SPATA6: variants seen among roughly 807,000 people sequenced by gnomAD.
SPATA6 encodes the protein spermatogenesis associated 6, also known as spermatogenesis-associated protein 6.
A neutral mutation model predicts 65.3 loss-of-function variants in SPATA6; 56 were observed. The ratio of observed to expected loss-of-function variants is 0.86; its 90% CI spans 0.69 to 1.07. The LOEUF (loss-of-function observed/expected upper bound fraction) is 1.07, where lower values mean the gene tolerates loss of function less well. Among genes scored for constraint, SPATA6 ranks in the 50% least tolerant of loss-of-function variants. The pLI is 0.00. For missense variants in SPATA6, 590 were observed against 594.8 expected (o/e 0.99, Z 0.08); for synonymous variants, 199 against 213.2 (o/e 0.93, Z 0.58).
rs189495349 is a variant in SPATA6, at chr1:48,440,159, C to A, written c.238+11393G>T. Among the ~76,000 whole-genome samples, 149 of 152,176 alleles carry A rather than the reference C, an allele frequency of 9.8e-4. 1 individual carries two copies. Among genetic ancestry groups the A allele is most frequent in the African/African-American group, 3.5e-3 (144 of 41,526 alleles). On this transcript the variant is annotated intron_variant, in intron 3 of 12. Coordinates refer to ENST00000371847, the MANE Select transcript of SPATA6 (RefSeq NM_019073.4). The stretch of plus-strand genomic sequence containing the variant: ...AAGCAAAGACATCTCCAAGGGACCA[C>A]AAAAACCCTCTGGCTATCGGTTATG...
intron 11 of SPATA6, among the ~76,000 whole-genome samples, chr1:48,340,234 C>T: frequency 1.2e-5 from 1 of 85,554 alleles, no homozygotes; most frequent in Admixed American, 1.5e-4. Context: ...CCACAGTAGG[C>T]CTGCACTAAA....
chr1:48,447,016 G>A (rs1301480939), intron 3 of SPATA6, among the ~76,000 whole-genome samples: 1 of 151,962 alleles, frequency 6.6e-6, no homozygotes, highest in Non-Finnish European at 1.5e-5. Context: ...TGATGATGAA[G>A]ACTTTTATGA....
chr1:48,332,849 A>G (rs1456489692), intron 11 of SPATA6, among the ~76,000 whole-genome samples: 1 of 152,198 alleles, frequency 6.6e-6, no homozygotes, highest in Non-Finnish European at 1.5e-5. Context: ...CAACAAATTC[A>G]AAAACAGCAA....
chr1:48,289,011 A>ATG, the SPATA6 span, among the ~76,000 whole-genome samples: 1 of 152,216 alleles, frequency 6.6e-6, no homozygotes, highest in African/African-American at 2.4e-5. Context: ...TTCTCCCAGC[A>ATG]CAGAGTTTGA....
intron 9 of SPATA6, among the ~76,000 whole-genome samples, chr1:48,363,160 T>C (rs1016585042): frequency 6.6e-6 from 1 of 152,132 alleles, no homozygotes; most frequent in African/African-American, 2.4e-5. Flanking sequence ...AAGTCTTTTA[T>C]CAAAATAAGG....
At chr1:48,454,022 TA>T (rs1656810003) in intron 1 of SPATA6, among the ~76,000 whole-genome samples, 3 of 151,096 alleles carry the variant, frequency 2.0e-5, no homozygotes, top group African/African-American at 7.3e-5. Flanking sequence ...TTTTTTTTTT[TA>T]GATGGGGTCT....
rs931655839 is a variant in SPATA6 at position 48,343,273 on chromosome 1, C to G, written c.1194+12397G>C. ...GCCAAAGTTGAGCTTATTTGGGAAC[C>G]AATAGTAACTGAAATACAACAAAAC... On this transcript the variant is annotated intron_variant, in intron 11 of 12. Coordinates refer to ENST00000371847, the MANE Select transcript of SPATA6 (RefSeq NM_019073.4). 4.0e-5 allele frequency among the ~76,000 whole-genome samples: 6 copies of G among 151,874 alleles called. No individual in the cohort carries two copies. The East Asian group carries it at 1.2e-3, about 29-fold the overall frequency.
chr1:48,419,320 C>T (rs1267124921), intron 3 of SPATA6, among the ~76,000 whole-genome samples: 1 of 152,024 alleles, frequency 6.6e-6, no homozygotes, highest in African/African-American at 2.4e-5. Flanking sequence ...ACTAACAACT[C>T]GACTAGAACT....
intron 3 of SPATA6, among the ~76,000 whole-genome samples, chr1:48,416,526 A>T (rs79810196): frequency 0.016 from 2,487 of 152,282 alleles, 80 homozygotes; most frequent in African/African-American, 0.057. Flanking sequence ...AATACACACA[A>T]ATAAATAATA....
intron 3 of SPATA6, among the ~76,000 whole-genome samples, chr1:48,418,795 A>AGGAAGGAG (rs141835857): frequency 4.9e-5 from 6 of 123,186 alleles, no homozygotes; most frequent in South Asian, 6.5e-4. Flanking sequence ...AAGGGAAGGA[A>AGGAAGGAG]GGAAGGAGGG....
At chr1:48,338,503 A>C (rs958042147) in intron 11 of SPATA6, among the ~76,000 whole-genome samples, 1 of 152,046 alleles carries the variant, frequency 6.6e-6, no homozygotes, top group Non-Finnish European at 1.5e-5. Flanking sequence ...AAAACACAAG[A>C]ACCAAAACGT....
intron 11 of SPATA6, among the ~76,000 whole-genome samples, chr1:48,348,517 A>T (rs1466613644): frequency 6.6e-6 from 1 of 151,714 alleles, no homozygotes; most frequent in African/African-American, 2.4e-5. Context: ...TTTTCAAGCA[A>T]ATCTTCACTC....
chr1:48,382,343 C>A (rs1328584547), intron 9 of SPATA6, among the ~76,000 whole-genome samples: 7 of 86,960 alleles, frequency 8.0e-5, no homozygotes. Flanking sequence ...GGCTGACCCC[C>A]CCACCACCCT....
At chr1:48,262,204 T>A in the SPATA6 span, 2 of 152,132 alleles carry the variant, frequency 1.3e-5, no homozygotes, top group Admixed American at 6.6e-5. Context: ...CAGGACAAAG[T>A]GAACCATGAG....
intron 9 of SPATA6, among the ~76,000 whole-genome samples, chr1:48,379,584 T>C (rs1001976267): frequency 2.6e-4 from 40 of 152,278 alleles, no homozygotes; most frequent in African/African-American, 9.1e-4. Flanking sequence ...ACTAATGATA[T>C]ATCATATACT....
rs1355111520 is a variant in SPATA6 at position 48,451,613 on chromosome 1, G to A, written c.190-13C>T. ...CGTCCGGGAACACCTATAGTGAGACGATACAGGGAGAGGCAGGAAGGAAGA... is the reference window on the plus strand; with the variant it reads ...CGTCCGGGAACACCTATAGTGAGACAATACAGGGAGAGGCAGGAAGGAAGA... On this transcript the variant is annotated splice_polypyrimidine_tract_variant and intron_variant, in intron 2 of 12. Transcript: ENST00000371847. 32 of 1,605,322 alleles carry A rather than the reference G, an allele frequency of 2.0e-5. No homozygotes were observed. Among genetic ancestry groups the A allele is most frequent in the Middle Eastern group, 3.3e-4 (2 of 6,054 alleles).
At chr1:48,354,366 G>C (rs1389530685) in intron 11 of SPATA6, among the ~76,000 whole-genome samples, 1 of 151,964 alleles carries the variant, frequency 6.6e-6, no homozygotes, top group Non-Finnish European at 1.5e-5. Flanking sequence ...CATTCCCTCT[G>C]ATTAATTCCA....
chr1:48,372,394 C>T (rs1462221983), intron 9 of SPATA6, among the ~76,000 whole-genome samples: 1 of 152,174 alleles, frequency 6.6e-6, no homozygotes, highest in Non-Finnish European at 1.5e-5. Context: ...TCCTTTGACT[C>T]CATATCTCAC....
intron 11 of SPATA6, among the ~76,000 whole-genome samples, chr1:48,315,231 C>G (rs1286862084): frequency 6.6e-6 from 1 of 152,028 alleles, no homozygotes; most frequent in African/African-American, 2.4e-5. Context: ...CTGGCAGAGA[C>G]ATAACAAAAA....
Sources: allele counts gnomAD v4.1 joint callset (sites outside exome capture counted in the v4.1 genomes callset), GRCh38; gene constraint gnomAD v4.1.1; transcripts MANE v1.5; gene names NCBI Gene and HGNC (gene_info 2026-07-23, HGNC 2026-07-21).